SDK2: variants seen among roughly 807,000 people sequenced by gnomAD.
The protein encoded by SDK2 is sidekick cell adhesion molecule 2.
Under a neutral mutation model 253.9 loss-of-function variants are expected in SDK2, and 105 were observed. The ratio of observed to expected loss-of-function variants is 0.41; its 90% CI spans 0.35 to 0.49. SDK2 has a LOEUF of 0.49. SDK2 is among the 20% of genes least tolerant of loss of function. The pLI is 0.06. For missense variants in SDK2, 2,608 were observed against 3,003.0 expected, an observed-to-expected ratio of 0.87 and a Z score of 3.07; for synonymous variants, 1,249 against 1,234.9, an observed-to-expected ratio of 1.01 and a Z score of -0.24.
At chr17:73,454,783 A>G (rs1210681944) in intron 4 of SDK2, among the ~76,000 whole-genome samples, 9 of 152,172 alleles carry the variant, frequency 5.9e-5, no homozygotes, top group Admixed American at 5.2e-4. Flanking sequence ...GGCTCACTGC[A>G]ACCTCTGACT....
chr17:73,590,919 GTTTA>G (rs917735563), intron 1 of SDK2, among the ~76,000 whole-genome samples: 13 of 152,254 alleles, frequency 8.5e-5, no homozygotes, highest in East Asian at 5.8e-4. Flanking sequence ...ATTTGTTTAT[GTTTA>G]TTTATTTATT....
Position 73,440,861 on chromosome 17 carries a change from C to G in SDK2, c.676G>C (p.Val226Leu). ...TIIIPPKNTSVVAGTSEVTLE... is the reference protein window; with the variant it reads ...TIIIPPKNTSLVAGTSEVTLE... ...GTAACCTCTGAGGTGCCGGCCACCA[C>G]GCTGGTGTTTTTAGGTGGGATGATG... is the stretch of plus-strand genomic sequence containing the variant. The change falls in exon 6 of 45, where the codon GTG (valine) becomes CTG (leucine). Residue 226 changes from valine to leucine, a missense_variant. Physicochemically the swap from Val to Leu is conservative, Grantham distance 32. Transcript: ENST00000392650. 6.4e-7 allele frequency: 1 copy of G among 1,551,740 alleles called. No individual in the cohort carries two copies. Among genetic ancestry groups the G allele is most frequent in the African/African-American group, 1.4e-5 (1 of 73,188 alleles).
intron 16 of SDK2, 26 bp downstream of exon 16, chr17:73,419,140 C>T (rs369463368): frequency 3.0e-5 from 49 of 1,608,026 alleles, no homozygotes; most frequent in East Asian, 2.2e-4. Flanking sequence ...TGGGACTGGG[C>T]TCCTGTCCCC....
At chr17:73,630,023 G>A (rs1346623986) in intron 1 of SDK2, among the ~76,000 whole-genome samples, 2 of 152,114 alleles carry the variant, frequency 1.3e-5, no homozygotes, top group African/African-American at 2.4e-5. Flanking sequence ...CCATCACCAC[G>A]TTCAAGTTCA....
intron 2 of SDK2, among the ~76,000 whole-genome samples, chr17:73,476,944 C>A (rs1162471666): frequency 1.3e-5 from 2 of 152,230 alleles, no homozygotes; most frequent in South Asian, 4.1e-4. Flanking sequence ...CCTCCGCCTC[C>A]GTTTCTTTGG....
chr17:73,419,228 C>T lies in SDK2; in HGVS notation c.2124G>A (p.Met708Ile). 1 of 1,612,928 alleles carries T rather than the reference C, an allele frequency of 6.2e-7. No individual in the cohort carries two copies. Residue 708 changes from methionine to isoleucine, a missense_variant, in exon 16 of 45, where the codon ATG becomes ATA. This residue lies in a region of SDK2 where 1,505 missense variants were observed against 1,859.1 expected (regional missense o/e 0.81). Coordinates refer to ENST00000392650, the MANE Select transcript of SDK2 (RefSeq NM_001144952.2). ...IASGRTNQSI[M>I]IQWQPPPESH... ...TCTCAGGAGGCGGCTGCCACTGGAT[C>T]ATGATGGACTGGTTGGTTCGACCGC...
chr17:73,483,697 ATATATATATATTT>A lies in SDK2; in HGVS notation c.225-11492_225-11480del, dbSNP rs1340334197. On this transcript the variant is annotated intron_variant, in intron 2 of 44. Coordinates refer to ENST00000392650, the MANE Select transcript of SDK2 (RefSeq NM_001144952.2). ...TATATATATATTTATATATATATAT[ATATATATATATTT>A]TTTTTTTTTTTTAGTAGAGTTGGGG... Among the ~76,000 whole-genome samples, 258 of 67,822 alleles carry A rather than the reference ATATATATATATTT, an allele frequency of 3.8e-3. 8 individuals carry two copies. Among genetic ancestry groups the A allele is most frequent in the Admixed American group, 0.025 (131 of 5,202 alleles). The allele number at this position is 67,822 out of a possible 152,430, so 44.5% of individuals were successfully genotyped here. A position where few individuals can be genotyped will look rare whatever the true frequency, so the allele number is the denominator to read the frequency against.
chr17:73,567,372 T>C (rs962652098), intron 1 of SDK2, among the ~76,000 whole-genome samples: 4 of 152,238 alleles, frequency 2.6e-5, no homozygotes, highest in Admixed American at 6.5e-5. Context: ...ATTAAAAAAC[T>C]TGGGTGCCCA....
intron 2 of SDK2, among the ~76,000 whole-genome samples, chr17:73,478,717 G>A (rs1253210113): frequency 6.6e-6 from 1 of 152,180 alleles, no homozygotes; most frequent in Non-Finnish European, 1.5e-5. Context: ...TTTTTGGTTC[G>A]AGTCCTTGAG....
At chr17:73,483,601 A>ATG (rs1277800705) in intron 2 of SDK2, among the ~76,000 whole-genome samples, 28 of 133,230 alleles carry the variant, frequency 2.1e-4, no homozygotes, top group African/African-American at 7.9e-4. Context: ...ATATATATGT[A>ATG]TGTGTATATA....
chr17:73,571,956 G>T (rs949824106), intron 1 of SDK2, among the ~76,000 whole-genome samples: 3 of 152,174 alleles, frequency 2.0e-5, no homozygotes, highest in African/African-American at 2.4e-5. Flanking sequence ...CGCCCGCGGG[G>T]CCAGCTCCCC....
chr17:73,519,544 G>C (rs1462002640), intron 1 of SDK2: 1 of 150,786 alleles, frequency 6.6e-6, no homozygotes, highest in African/African-American at 2.4e-5. Flanking sequence ...TTTGTTAAAG[G>C]CCTACTCCAC....
chr17:73,447,355 T>C lies in SDK2; in HGVS notation c.613+260A>G, dbSNP rs1232735754. ...GGGTCCCTGGTAGCCCTGCTAACAG[T>C]TGTGCTAAGCATCCTCTCTACCGAT... On this transcript the variant is annotated intron_variant, in intron 5 of 44. Transcript: ENST00000392650. This position sits in a 1 kb window ranked among gnomAD's most constrained non-coding sequence, Gnocchi z 4.0. Among the ~76,000 whole-genome samples the C allele has an allele frequency of 6.6e-6, 1 of 151,956 alleles. No homozygotes were observed. The highest frequency in any genetic ancestry group is 2.1e-4 in the South Asian group (1 of 4,828).
chr17:73,594,446 A>G (rs1472176027), intron 1 of SDK2, among the ~76,000 whole-genome samples: 1 of 152,126 alleles, frequency 6.6e-6, no homozygotes, highest in South Asian at 2.1e-4. Context: ...GCTCCCCTGG[A>G]AAGTGTTGGT....
chr17:73,421,501 CCTT>C (rs757274098), intron 15 of SDK2, among the ~76,000 whole-genome samples: 14 of 151,840 alleles, frequency 9.2e-5, no homozygotes, highest in East Asian at 1.9e-4. Flanking sequence ...ATAGAATTCT[CCTT>C]CTACATAGAT....
rs76050972 is a variant in SDK2, at chr17:73,485,091, G to A, written c.225-12873C>T. Among the ~76,000 whole-genome samples, 1,231 of 152,194 alleles carry A rather than the reference G, an allele frequency of 8.1e-3. 10 individuals carry two copies. Among genetic ancestry groups the A allele is most frequent in the Non-Finnish European group, 0.014 (944 of 68,014 alleles). ...CACACTCTGAGGCACTAGGCGTTAG[G>A]ACATCAACATATATTTTTAGAGGAG... On this transcript the variant is annotated intron_variant, in intron 2 of 44. Transcript: ENST00000392650.
At chr17:73,469,409 G>A (rs1013155734) in intron 3 of SDK2, among the ~76,000 whole-genome samples, 6 of 152,202 alleles carry the variant, frequency 3.9e-5, no homozygotes, top group Non-Finnish European at 7.3e-5. Context: ...GGCAGAAGCA[G>A]GTGTCAGGGT....
rs371681247 is a variant in SDK2 at position 73,486,346 on chromosome 17, C to A, written c.225-14128G>T. ...AGTAGAGGCTGAGAGCAGTGACTCA[C>A]ATCTGTAATCCCATCACTTTGGGAA... is the stretch of plus-strand genomic sequence containing the variant. On this transcript the variant is annotated intron_variant, in intron 2 of 44. Coordinates refer to ENST00000392650, the MANE Select transcript of SDK2 (RefSeq NM_001144952.2). Among the ~76,000 whole-genome samples the A allele has an allele frequency of 7.2e-5, 11 of 152,286 alleles. No homozygotes were observed. The South Asian group carries it at 2.1e-3, about 29-fold the overall frequency.
chr17:73,494,326 G>C (rs1291618774), intron 2 of SDK2, among the ~76,000 whole-genome samples: 1 of 152,104 alleles, frequency 6.6e-6, no homozygotes, highest in Non-Finnish European at 1.5e-5. Flanking sequence ...TGGCCTGGAT[G>C]CCAGCTGAGG....
Sources: allele counts gnomAD v4.1 joint callset (sites outside exome capture counted in the v4.1 genomes callset), GRCh38; gene constraint gnomAD v4.1.1; regional missense constraint gnomAD v4.1.1; non-coding constraint Gnocchi (gnomAD v3.1); transcripts MANE v1.5; gene names NCBI Gene and HGNC (gene_info 2026-07-23, HGNC 2026-07-21).